TYK2: variants seen among roughly 807,000 people sequenced by gnomAD.
TYK2 encodes non-receptor tyrosine-protein kinase TYK2.
Under a neutral mutation model 130.9 loss-of-function variants are expected in TYK2, and 65 were observed. The ratio of observed to expected loss-of-function variants is 0.50; its 90% CI spans 0.41 to 0.61. The LOEUF (loss-of-function observed/expected upper bound fraction) is 0.61. TYK2 is among the 20% of genes least tolerant of loss of function. TYK2 has a pLI of 0.00. For synonymous variants in TYK2, 647 were observed against 658.9 expected, an observed-to-expected ratio of 0.98 and a Z score of 0.28; for missense variants, 1,378 against 1,610.7, an observed-to-expected ratio of 0.86 and a Z score of 2.47.
intron 3 of TYK2, among the ~76,000 whole-genome samples, chr19:10,370,856 A>G (rs280526): frequency 0.52 from 78,143 of 151,304 alleles, 20,422 homozygotes; most frequent in East Asian, 0.58. Context: ...TTTTATCTAA[A>G]GCTGGGTATG....
chr19:10,351,014 A>T, intron 24 of TYK2, 38 bp downstream of exon 24: 10 of 1,614,196 alleles, frequency 6.2e-6, no homozygotes, highest in Non-Finnish European at 8.5e-6. Flanking sequence ...TCTCCACAGC[A>T]GGATAGTGGG....
rs536860822 is a variant in TYK2, at chr19:10,354,473, AC to A, written c.2715+38del. The A allele has an allele frequency of 2.3e-4, 360 of 1,586,926 alleles. 2 individuals carry two copies. In the East Asian group the frequency reaches 7.4e-3, roughly 32 times the overall value. On this transcript the variant is annotated intron_variant, in intron 19 of 24. Coordinates refer to ENST00000525621, the MANE Select transcript of TYK2 (RefSeq NM_003331.5). ...TCCTCAACCCCCAAACTCCTTCCCG[AC>A]CAGGCGGGCCTTTTAGCAGCTCAGG...
intron 3 of TYK2, 66 bp downstream of exon 3, chr19:10,378,148 G>T: frequency 1.3e-6 from 2 of 1,549,808 alleles, no homozygotes; most frequent in Non-Finnish European, 1.8e-6. Flanking sequence ...ATAGACGGAT[G>T]GATGGGGCCC....
chr19:10,358,157 G>A lies in TYK2; in HGVS notation c.2176-19C>T, dbSNP rs1160989961. 6.3e-7 allele frequency: 1 copy of A among 1,595,928 alleles called. No homozygotes were observed. The highest frequency in any genetic ancestry group is 8.5e-7 in the Non-Finnish European group (1 of 1,171,776). ...TGTTCTCCTGAGGTGGGCAGGAGAG[G>A]GGGTGTGGCCACTCAGGAGAGGCAC... is the stretch of plus-strand genomic sequence containing the variant. On this transcript the variant is annotated intron_variant, in intron 15 of 24. Coordinates refer to ENST00000525621, the MANE Select transcript of TYK2 (RefSeq NM_003331.5).
intron 22 of TYK2, 69 bp from the exon 23 acceptor site, chr19:10,352,620 G>T: frequency 1.2e-6 from 1 of 830,152 alleles, no homozygotes; most frequent in Non-Finnish European, 2.0e-6. Flanking sequence ...CCAGGCTGAA[G>T]CCCTCACCTG....
chr19:10,380,065 T>C (rs1433294111), intron 1 of TYK2, among the ~76,000 whole-genome samples: 1 of 152,202 alleles, frequency 6.6e-6, no homozygotes, highest in Non-Finnish European at 1.5e-5. Context: ...AAAATGGGCA[T>C]GTAACAGTGT....
rs776226275 is a variant in TYK2 at position 10,362,524 on chromosome 19, C to T, written c.1476+25G>A. Reference sequence around the variant, plus strand: ...AGGCAGGGAACGTGTCCAGCCCCAGCCCCAGCCCCCAGCCCTGGGCTCACC... The same window carrying T: ...AGGCAGGGAACGTGTCCAGCCCCAGTCCCAGCCCCCAGCCCTGGGCTCACC... On this transcript the variant is annotated intron_variant, in intron 10 of 24. Transcript: ENST00000525621. 1.4e-5 allele frequency: 22 copies of T among 1,555,070 alleles called. No individual in the cohort carries two copies. The South Asian group carries it at 2.5e-4, about 18-fold the overall frequency.
chr19:10,370,781 C>T lies in TYK2; in HGVS notation c.194-2363G>A, dbSNP rs987425452. Among the ~76,000 whole-genome samples, 17 of 151,284 alleles carry T rather than the reference C, an allele frequency of 1.1e-4. No homozygotes were observed. In the South Asian group the frequency reaches 1.5e-3, roughly 13 times the overall value. The stretch of plus-strand genomic sequence containing the variant: ...GCAGTGAGCCGAGATCACGCCACTG[C>T]GCTCCAGCCTGGGTGAAAGAGTGAG... On this transcript the variant is annotated intron_variant, in intron 3 of 24. Transcript: ENST00000525621.
chr19:10,359,420 G>T (rs924698025), intron 14 of TYK2, 118 bp from the exon 15 acceptor site: 2 of 1,258,502 alleles, frequency 1.6e-6, no homozygotes, highest in Non-Finnish European at 2.2e-6. Flanking sequence ...TCAGGGCAGA[G>T]GTGTGGGTGG....
rs12720222 is a variant in TYK2 at position 10,378,495 on chromosome 19, C to T, written c.-20-69G>A. The T allele has an allele frequency of 0.08, 104,375 of 1,304,520 alleles. 4,598 individuals carry two copies. The highest frequency in any genetic ancestry group is 0.17 in the African/African-American group (11,475 of 68,796). 80.8% of individuals were successfully genotyped at this position (1,304,520 alleles called of 1,614,324 possible). A position where few individuals can be genotyped will look rare whatever the true frequency, so the allele number is the denominator to read the frequency against. ...GACCCCTGTTAGCTCTTCAACCTTC[C>T]ACCCACCCCAGCTAAGGCCTGAGGG... On this transcript the variant is annotated intron_variant, in intron 2 of 24. Transcript: ENST00000525621.
In TYK2 at chr19:10,361,022, TG is replaced by T; in HGVS notation, c.2047+488del. ...CTCCCACCTCTGCCTCCCAAAGTGC[TG>T]GGATAGGTGTGAGCCACCACACCTA... On this transcript the variant is annotated intron_variant, in intron 14 of 24. Coordinates refer to ENST00000525621, the MANE Select transcript of TYK2 (RefSeq NM_003331.5). The surrounding 1 kb of genome is among the most constrained non-coding windows in gnomAD (Gnocchi z 4.0). 1 of 405,004 alleles carries T rather than the reference TG, an allele frequency of 2.5e-6. No individual in the cohort carries two copies. The highest frequency in any genetic ancestry group is 4.9e-6 in the Non-Finnish European group (1 of 202,924). The allele number at this position is 405,004 out of a possible 1,614,324, so 25.1% of individuals were successfully genotyped here.
chr19:10,350,797 C>G lies in TYK2; in HGVS notation c.*37G>C. On this transcript the variant is annotated 3_prime_UTR_variant, in exon 25 of 25. Coordinates refer to ENST00000525621, the MANE Select transcript of TYK2 (RefSeq NM_003331.5). ...AGGAGGCTCCCTCTGCAGCCACTGC[C>G]TGGTCCAGTCCTCCCAGGCAGGGCT... 6.2e-7 allele frequency: 1 copy of G among 1,611,634 alleles called. No homozygotes were observed. Among genetic ancestry groups the G allele is most frequent in the Non-Finnish European group, 8.5e-7 (1 of 1,179,764 alleles).
intron 15 of TYK2, 55 bp from the exon 16 acceptor site, chr19:10,358,193 C>T: frequency 1.3e-6 from 2 of 1,546,432 alleles, no homozygotes; most frequent in Admixed American, 1.9e-5. Context: ...AGACGCCAAC[C>T]CCAAACCTGG....
At chr19:10,358,599 G>A (rs1455296453) in intron 15 of TYK2, among the ~76,000 whole-genome samples, 2 of 152,000 alleles carry the variant, frequency 1.3e-5, no homozygotes, top group Non-Finnish European at 2.9e-5. Context: ...GCCTACAGGT[G>A]CAAGTTACCA....
chr19:10,369,766 G>C (rs573024480), intron 3 of TYK2: 1 of 453,062 alleles, frequency 2.2e-6, no homozygotes, highest in Non-Finnish European at 4.4e-6. Flanking sequence ...CCTGTCGGCC[G>C]GGCGCAGTGG....
At chr19:10,371,483 A>C (rs1316264066) in intron 3 of TYK2, among the ~76,000 whole-genome samples, 1 of 151,864 alleles carries the variant, frequency 6.6e-6, no homozygotes, top group Non-Finnish European at 1.5e-5. Flanking sequence ...TCTACTAAAA[A>C]TACAAAATTA....
At position 10,353,178 on chromosome 19, in the gene TYK2, G is replaced by A; in HGVS notation, c.3028-80C>T. ...GGCGGCAGGACCTGAGCAGCCAGGA[G>A]GGCTGGGGGACAGTCAGGTCAGGCC... On this transcript the variant is annotated intron_variant, in intron 21 of 24. Transcript: ENST00000525621. This position sits in a 1 kb window ranked among gnomAD's most constrained non-coding sequence, Gnocchi z 6.9. The A allele has an allele frequency of 7.7e-7, 1 of 1,297,634 alleles. No homozygotes were observed. The highest frequency in any genetic ancestry group is 1.0e-6 in the Non-Finnish European group (1 of 981,598). 80.4% of individuals were successfully genotyped at this position (1,297,634 alleles called of 1,614,324 possible). A position where few individuals can be genotyped will look rare whatever the true frequency, so the allele number is the denominator to read the frequency against.
chr19:10,378,152 G>A, intron 3 of TYK2, 62 bp downstream of exon 3: 2 of 1,562,908 alleles, frequency 1.3e-6, no homozygotes, highest in Non-Finnish European at 8.8e-7. Context: ...ACGGATGGAT[G>A]GGGCCCAGCT....
In TYK2 at chr19:10,365,866, C is replaced by T. The variant is rs747608147; in HGVS notation, c.662G>A (p.Arg221Gln). 6.6e-5 allele frequency: 107 copies of T among 1,611,572 alleles called. No homozygotes were observed. In the South Asian group the frequency reaches 8.7e-4, roughly 13 times the overall value. Residue 221 changes from arginine (R) to glutamine (Q), a missense_variant, in exon 7 of 25, where the codon CGG (arginine) becomes CAG (glutamine). Physicochemically the swap from Arg to Gln is conservative, Grantham distance 43. Transcript: ENST00000525621. ...CAGGGCGCTGTGCTGCCGGATATGC[C>T]GGCGGAAGGAGCGCGGGATGCAGTC... ...FKDCIPRSFR[R>Q]HIRQHSALTR... is the part of the protein sequence containing the mutation.
Sources: allele counts gnomAD v4.1 joint callset (sites outside exome capture counted in the v4.1 genomes callset), GRCh38; gene constraint gnomAD v4.1.1; non-coding constraint Gnocchi (gnomAD v3.1); transcripts MANE v1.5; gene names NCBI Gene and HGNC (gene_info 2026-07-23, HGNC 2026-07-21).